KCNT1: variants seen among roughly 807,000 people sequenced by gnomAD.
KCNT1 encodes potassium sodium-activated channel subfamily T member 1, also known as potassium channel subfamily T member 1.
KCNT1 carries 78 observed loss-of-function variants against 147.8 expected under a neutral mutation model. The observed-to-expected ratio is 0.53, with a 90% CI of 0.44 to 0.64. The LOEUF (loss-of-function observed/expected upper bound fraction) is 0.64. KCNT1 is among the 30% of genes least tolerant of loss of function. The pLI is 0.00. For synonymous variants in KCNT1, 867 were observed against 748.8 expected, an observed-to-expected ratio of 1.16 and a Z score of -2.58; for missense variants, 1,419 against 1,750.3, an observed-to-expected ratio of 0.81 and a Z score of 3.38.
Position 135,754,011 on chromosome 9 carries a change from C to T in KCNT1, c.491+18C>T, listed in dbSNP as rs748233532. ...ATCAACTGGTGAGTCCACACTCCAG[C>T]TCCCAATAGCCAGGCGCTCAGAGGC... On this transcript the variant is annotated intron_variant, in intron 5 of 30. Coordinates refer to ENST00000371757, the MANE Select transcript of KCNT1 (RefSeq NM_020822.3). 4 of 1,611,772 alleles carry T rather than the reference C, an allele frequency of 2.5e-6. No homozygotes were observed. Among genetic ancestry groups the T allele is most frequent in the Non-Finnish European group, 3.4e-6 (4 of 1,177,920 alleles).
intron 2 of KCNT1, chr9:135,736,814 G>T: frequency 2.7e-6 from 1 of 368,052 alleles, no homozygotes; most frequent in South Asian, 1.3e-4. Context: ...CTGGGACCCC[G>T]CTTGTCAAAT....
chr9:135,758,375 A>G (rs758876766), intron 9 of KCNT1, 39 bp from the exon 10 acceptor site: 4 of 1,502,054 alleles, frequency 2.7e-6, no homozygotes, highest in South Asian at 2.2e-5. Flanking sequence ...GGCGGGGTCC[A>G]CAGTCCCTGC....
chr9:135,726,140 G>A (rs976984733), intron 2 of KCNT1, among the ~76,000 whole-genome samples: 4 of 152,006 alleles, frequency 2.6e-5, no homozygotes, highest in Non-Finnish European at 5.9e-5. Flanking sequence ...GGGGCAGGGG[G>A]ATGAGGGGAG....
rs1346640553 is a variant in KCNT1, at chr9:135,771,234, C to T, written c.2008+139C>T. The T allele has an allele frequency of 2.4e-5, 18 of 761,024 alleles. 1 individual carries two copies. Among genetic ancestry groups the T allele is most frequent in the Middle Eastern group, 3.8e-4 (1 of 2,654 alleles). 47.1% of individuals were successfully genotyped at this position (761,024 alleles called of 1,614,324 possible). The stretch of plus-strand genomic sequence containing the variant: ...TGACCAGGTGGGACAGGAGACCAGG[C>T]AGGACAGGGGCAGGTGACCAGGTGG... On this transcript the variant is annotated intron_variant, in intron 18 of 30. Coordinates refer to ENST00000371757, the MANE Select transcript of KCNT1 (RefSeq NM_020822.3).
intron 1 of KCNT1, among the ~76,000 whole-genome samples, chr9:135,707,139 A>T (rs979996521): frequency 1.5e-4 from 23 of 152,000 alleles, no homozygotes; most frequent in African/African-American, 5.1e-4. Flanking sequence ...AAAAAAAATT[A>T]AAAATTAAGA....
rs774718876 is a variant in KCNT1 at position 135,770,814 on chromosome 9, C to T, written c.1770-43C>T. ...AGGGCAGGCAGGGAGCGGGACAGGGCGGGTGAGCGGCGGTACCTGAAGTTG... is the reference window on the plus strand; with the variant it reads ...AGGGCAGGCAGGGAGCGGGACAGGGTGGGTGAGCGGCGGTACCTGAAGTTG... On this transcript the variant is annotated intron_variant, in intron 17 of 30. Coordinates refer to ENST00000371757, the MANE Select transcript of KCNT1 (RefSeq NM_020822.3). 11 of 1,498,056 alleles carry T rather than the reference C, an allele frequency of 7.3e-6. No homozygotes were observed. In the South Asian group the frequency reaches 7.3e-5, roughly 10 times the overall value. 92.8% of individuals were successfully genotyped at this position (1,498,056 alleles called of 1,614,324 possible).
intron 2 of KCNT1, among the ~76,000 whole-genome samples, chr9:135,717,623 C>A (rs892413946): frequency 6.6e-6 from 1 of 152,166 alleles, no homozygotes; most frequent in African/African-American, 2.4e-5. Context: ...GCTCGCCAGC[C>A]GCTGCCCGGC....
intron 20 of KCNT1, 30 bp from the exon 21 acceptor site, chr9:135,777,308 T>C: frequency 6.3e-6 from 10 of 1,582,836 alleles, no homozygotes; most frequent in Non-Finnish European, 8.6e-6. Context: ...CAGCCCTGAC[T>C]CCAGCCCTGA....
chr9:135,772,684 G>A (rs1221772478), intron 18 of KCNT1, 31 bp from the exon 19 acceptor site: 3 of 1,354,810 alleles, frequency 2.2e-6, no homozygotes, highest in African/African-American at 3.0e-5. Context: ...GTGGGAGTCG[G>A]GCTGTGGCCA....
chr9:135,763,788 A>G (rs1403089444), intron 11 of KCNT1, among the ~76,000 whole-genome samples: 1 of 152,022 alleles, frequency 6.6e-6, no homozygotes, highest in Non-Finnish European at 1.5e-5. Context: ...GGCAGATAGG[A>G]CTTTTAGGGT....
chr9:135,730,990 T>TGAAAAAA lies in KCNT1; in HGVS notation c.254+16270_254+16271insGAAAAAA, dbSNP rs1554766004. 3.2e-3 allele frequency among the ~76,000 whole-genome samples: 270 copies of TGAAAAAA among 85,572 alleles called. 14 individuals are homozygous for TGAAAAAA. Among genetic ancestry groups the TGAAAAAA allele is most frequent in the South Asian group, 7.9e-3 (18 of 2,278 alleles). 56.1% of individuals were successfully genotyped at this position (85,572 alleles called of 152,430 possible). On this transcript the variant is annotated intron_variant, in intron 2 of 30. Transcript: ENST00000371757. The surrounding 1 kb of genome is among the most constrained non-coding windows in gnomAD (Gnocchi z 4.7). The stretch of plus-strand genomic sequence containing the variant: ...AACAAAGTGAGATCCCGTCTCAAGG[T>TGAAAAAA]AAAAAAAAAAAAAAAAAAAAAAAGT...
intron 24 of KCNT1, among the ~76,000 whole-genome samples, chr9:135,783,033 G>A (rs934924499): frequency 1.4e-4 from 21 of 152,250 alleles, no homozygotes; most frequent in African/African-American, 4.3e-4. Flanking sequence ...GGGGGGAAGT[G>A]TGGCCTCCGT....
chr9:135,750,420 G>T, intron 3 of KCNT1: 2 of 565,960 alleles, frequency 3.5e-6, no homozygotes, highest in Admixed American at 2.9e-5. Context: ...AGCGGGACTC[G>T]TGGGGACACC....
chr9:135,715,014 C>T (rs1835665344), intron 2 of KCNT1, among the ~76,000 whole-genome samples: 1 of 152,196 alleles, frequency 6.6e-6, no homozygotes, highest in East Asian at 1.9e-4. Context: ...GGTGTCTGCT[C>T]CCAACCCCCA....
intron 1 of KCNT1, 91 bp downstream of exon 1, chr9:135,702,459 C>G: frequency 1.9e-6 from 2 of 1,063,518 alleles, no homozygotes; most frequent in Non-Finnish European, 2.9e-6. Context: ...CCCTCCAGGA[C>G]CCGCCATTCC....
rs1429039180 is a variant in KCNT1 at position 135,756,904 on chromosome 9, C to G, written c.572C>G (p.Thr191Arg). ...VIVAIISFLE[T>R]MLLIYLSYKG... ...GTGGCCATAATAAGCTTCCTGGAGA[C>G]GATGCTTCTCATCTACCTCAGCTAC... The change falls in exon 7 of 31, where the codon ACG becomes AGG. Residue 191 changes from threonine to arginine, a missense_variant. Physicochemically the swap from Thr to Arg is moderately conservative, Grantham distance 71. Coordinates refer to ENST00000371757, the MANE Select transcript of KCNT1 (RefSeq NM_020822.3). 2.1e-5 allele frequency: 34 copies of G among 1,613,184 alleles called. No homozygotes were observed. The highest frequency in any genetic ancestry group is 2.9e-5 in the Non-Finnish European group (34 of 1,179,948).
Position 135,757,200 on chromosome 9 carries a change from G to A in KCNT1, c.645G>A (p.Glu215=), listed in dbSNP as rs1233969286. ...EQIFRVSFVL[E]MINTLPFIIT... is the part of the protein sequence containing the mutation. Reference sequence around the variant, plus strand: ...TCTTCCGCGTGTCCTTCGTCCTGGAGATGATCAACACTCTGCCCTTCATCA... The same window carrying A: ...TCTTCCGCGTGTCCTTCGTCCTGGAAATGATCAACACTCTGCCCTTCATCA... The change falls in exon 8 of 31, where the codon GAG becomes GAA. Residue 215 remains glutamate, a synonymous_variant. Transcript: ENST00000371757. 3.1e-6 allele frequency: 5 copies of A among 1,611,342 alleles called. No individual in the cohort carries two copies. The African/African-American group carries it at 4.0e-5, about 13-fold the overall frequency.
At chr9:135,732,024 A>AGAGAGGGAGAGAGG (rs1554766188) in intron 2 of KCNT1, among the ~76,000 whole-genome samples, 11 of 65,072 alleles carry the variant, frequency 1.7e-4, no homozygotes, top group Non-Finnish European at 3.2e-4. Flanking sequence ...AGAGAGAGAG[A>AGAGAGGGAGAGAGG]GAGAGAGAGA....
At chr9:135,707,911 A>G (rs1032769335) in intron 1 of KCNT1, among the ~76,000 whole-genome samples, 1 of 152,158 alleles carries the variant, frequency 6.6e-6, no homozygotes, top group African/African-American at 2.4e-5. Context: ...ATCTCAGGAG[A>G]TGGTGCTGAG....
Sources: gnomAD v4.1 joint callset for allele counts (sites outside exome capture counted in the v4.1 genomes callset) on GRCh38, gnomAD v4.1.1 for gene constraint, Gnocchi (gnomAD v3.1) non-coding constraint, MANE v1.5 for transcripts, NCBI Gene and HGNC (gene_info 2026-07-23, HGNC 2026-07-21) for gene names.